The following DPY19L1 variants were observed in gnomAD, a reference collection of about 807,000 sequenced individuals.
DPY19L1 encodes the protein dpy-19 like C-mannosyltransferase 1, also known as protein C-mannosyl-transferase DPY19L1.
A neutral mutation model predicts 96.9 loss-of-function variants in DPY19L1; 35 were observed. That is an observed-to-expected ratio of 0.36 (90% confidence interval 0.28 to 0.48). DPY19L1 has a LOEUF of 0.48. DPY19L1 is among the 20% of genes least tolerant of loss of function. The probability of loss-of-function intolerance (pLI) is 0.99; values close to 1 mark genes in which losing one functional copy is unlikely to be tolerated. For missense variants in DPY19L1, 521 were observed against 777.9 expected, an observed-to-expected ratio of 0.67 and a Z score of 3.93; for synonymous variants, 205 against 252.6, an observed-to-expected ratio of 0.81 and a Z score of 1.79.
intron 7 of DPY19L1, among the ~76,000 whole-genome samples, chr7:34,976,955 T>G (rs1692661991): frequency 6.6e-6 from 1 of 151,986 alleles, no homozygotes; most frequent in Non-Finnish European, 1.5e-5. Flanking sequence ...AGCTAATTTT[T>G]TTTTTGTATT....
intron 1 of DPY19L1, among the ~76,000 whole-genome samples, chr7:35,023,180 C>T (rs1476451036): frequency 6.6e-6 from 1 of 152,206 alleles, no homozygotes; most frequent in Non-Finnish European, 1.5e-5. Context: ...CCATCTCCCA[C>T]CAGCACCCGG....
At chr7:34,977,465 G>A (rs774976752) in intron 7 of DPY19L1, among the ~76,000 whole-genome samples, 9 of 152,134 alleles carry the variant, frequency 5.9e-5, no homozygotes, top group Admixed American at 1.3e-4. Flanking sequence ...TGAAAGCAGG[G>A]ACAAGAAAAC....
chr7:34,954,944 T>C lies in DPY19L1; in HGVS notation c.1240-166A>G, dbSNP rs528857704. Among the ~76,000 whole-genome samples, 545 of 149,442 alleles carry C rather than the reference T, an allele frequency of 3.6e-3. 3 individuals are homozygous for C. Among genetic ancestry groups the C allele is most frequent in the African/African-American group, 0.011 (454 of 40,604 alleles). ...TTAAAATCAAGCATGTTGCTCAAAA[T>C]CAAGGGACAGTAACTAAAAATAAAA... On this transcript the variant is annotated intron_variant, in intron 12 of 21. Transcript: ENST00000638088.
chr7:34,990,032 T>C, intron 6 of DPY19L1, 91 bp from the exon 7 acceptor site: 2 of 969,482 alleles, frequency 2.1e-6, no homozygotes, highest in Non-Finnish European at 3.0e-6. Flanking sequence ...ACCACTGGTA[T>C]TATATAAGAT....
rs144603098 is a variant in DPY19L1 at position 34,964,619 on chromosome 7, G to C, written c.1092+2275C>G. ...CATTATAGTAACCGATTGAAGAGGG[G>C]GAAATACACCGATTCATCTAAACAG... is the stretch of plus-strand genomic sequence containing the variant. On this transcript the variant is annotated intron_variant, in intron 10 of 21. Coordinates refer to ENST00000638088, the MANE Select transcript of DPY19L1 (RefSeq NM_001366673.1). Among the ~76,000 whole-genome samples, 7 of 152,086 alleles carry C rather than the reference G, an allele frequency of 4.6e-5. No individual in the cohort carries two copies. In the East Asian group the frequency reaches 1.3e-3, roughly 29 times the overall value.
chr7:34,946,599 A>T (rs1305691383), intron 15 of DPY19L1, among the ~76,000 whole-genome samples: 1 of 152,238 alleles, frequency 6.6e-6, no homozygotes, highest in Non-Finnish European at 1.5e-5. Flanking sequence ...AAACTATACA[A>T]AAGTGCAAAG....
chr7:34,941,731 A>G (rs1441685238), intron 18 of DPY19L1, 34 bp downstream of exon 18: 2 of 1,595,002 alleles, frequency 1.3e-6, no homozygotes, highest in Non-Finnish European at 1.7e-6. Context: ...GGCTAAAATT[A>G]TCATAGTAGC....
intron 1 of DPY19L1, among the ~76,000 whole-genome samples, chr7:35,020,569 GT>G (rs1210888551): frequency 1.3e-5 from 2 of 152,150 alleles, no homozygotes; most frequent in African/African-American, 4.8e-5. Context: ...TTCATAAAAT[GT>G]TTTTTATTAT....
chr7:35,022,297 A>G (rs1294103252), intron 1 of DPY19L1, among the ~76,000 whole-genome samples: 1 of 152,236 alleles, frequency 6.6e-6, no homozygotes, highest in Admixed American at 6.5e-5. Flanking sequence ...AACCTATTCT[A>G]TAAGAAAAAG....
upstream of DPY19L1, chr7:35,037,780 G>C (rs1786480977): frequency 8.4e-7 from 1 of 1,184,002 alleles, no homozygotes; most frequent in Admixed American, 4.5e-5. Flanking sequence ...TTCCGGCGCA[G>C]GCGGGGCCCG....
chr7:35,018,678 T>C (rs1227133016), intron 1 of DPY19L1, 82 bp from the exon 2 acceptor site: 3 of 1,237,572 alleles, frequency 2.4e-6, no homozygotes, highest in Non-Finnish European at 3.5e-6. Flanking sequence ...AGATAAAGCA[T>C]GTCAAATATT....
At chr7:34,981,094 T>A (rs1186885473) in intron 7 of DPY19L1, among the ~76,000 whole-genome samples, 1 of 152,162 alleles carries the variant, frequency 6.6e-6, no homozygotes, top group Non-Finnish European at 1.5e-5. Flanking sequence ...AGTTCCTGGA[T>A]ACAAGATTGT....
rs1472268396 is a variant in DPY19L1 at position 34,930,659 on chromosome 7, C to G, written c.*914G>C. ...TCAAATATACATTAGTTTCTAGATG[C>G]ACTATATTTGGGGTTGTTCAAAATA... On this transcript the variant is annotated 3_prime_UTR_variant, in exon 22 of 22. Transcript: ENST00000638088. 1.3e-5 allele frequency: 2 copies of G among 152,018 alleles called. No homozygotes were observed. Among genetic ancestry groups the G allele is most frequent in the African/African-American group, 4.8e-5 (2 of 41,390 alleles). The allele number at this position is 152,018 out of a possible 1,614,324, so 9.4% of individuals were successfully genotyped here.
intron 15 of DPY19L1, 59 bp from the exon 16 acceptor site, chr7:34,945,775 A>G: frequency 8.7e-7 from 1 of 1,150,798 alleles, no homozygotes; most frequent in South Asian, 1.3e-5. Flanking sequence ...GATATTTTAA[A>G]TAAAGTATCT....
chr7:34,952,771 G>A (rs189891418), intron 13 of DPY19L1, among the ~76,000 whole-genome samples: 112 of 152,020 alleles, frequency 7.4e-4, no homozygotes, highest in African/African-American at 2.4e-3. Context: ...GCAGAGTGAA[G>A]AAACTGGTAA....
chr7:35,014,038 G>A (rs1267169825), intron 3 of DPY19L1, among the ~76,000 whole-genome samples: 1 of 152,122 alleles, frequency 6.6e-6, no homozygotes, highest in East Asian at 1.9e-4. Flanking sequence ...TGAATAGAGT[G>A]AGTGGTTTAT....
In DPY19L1 at chr7:34,940,186, GTTC is replaced by G. The variant is rs1472495407; in HGVS notation, c.1828_1830del (p.Glu610del). The G allele has an allele frequency of 2.5e-6, 4 of 1,582,938 alleles. No homozygotes were observed. The African/African-American group carries it at 5.5e-5, about 22-fold the overall frequency. ...GTACTATATTTGATCCATTCTATAA[GTTC>G]TTCTTGGGGCAAATTGCTGAACTCC... On this transcript the variant is annotated inframe_deletion, in exon 19 of 22. Coordinates refer to ENST00000638088, the MANE Select transcript of DPY19L1 (RefSeq NM_001366673.1).
At chr7:34,949,406 T>C (rs1358016900) in intron 14 of DPY19L1, among the ~76,000 whole-genome samples, 1 of 152,116 alleles carries the variant, frequency 6.6e-6, no homozygotes, top group Non-Finnish European at 1.5e-5. Context: ...GAAAGAAAAA[T>C]GCTGTTGGAA....
chr7:34,992,054 G>A (rs1785180637), intron 6 of DPY19L1, among the ~76,000 whole-genome samples: 1 of 152,142 alleles, frequency 6.6e-6, no homozygotes, highest in African/African-American at 2.4e-5. Flanking sequence ...TGTGAGACAC[G>A]TGAGTCAAAG....
Sources: gnomAD v4.1 joint callset for allele counts (sites outside exome capture counted in the v4.1 genomes callset) on GRCh38, gnomAD v4.1.1 for gene constraint, MANE v1.5 for transcripts, NCBI Gene and HGNC (gene_info 2026-07-23, HGNC 2026-07-21) for gene names.